CSTPP1: variants seen among roughly 807,000 people sequenced by gnomAD.
CSTPP1 encodes the protein UPF0705 protein C11orf49.
the CSTPP1 span, among the ~76,000 whole-genome samples, chr11:47,105,316 G>C: frequency 6.6e-6 from 1 of 152,050 alleles, no homozygotes; most frequent in Admixed American, 6.6e-5. Flanking sequence ...GCAATATAGG[G>C]AGACCTCTCT....
chr11:47,074,818 A>T, the CSTPP1 span, among the ~76,000 whole-genome samples: 1 of 152,218 alleles, frequency 6.6e-6, no homozygotes, highest in Non-Finnish European at 1.5e-5. Flanking sequence ...TCAATGTTCA[A>T]AGCTCTATGC....
At chr11:47,054,872 A>G in the CSTPP1 span, among the ~76,000 whole-genome samples, 1 of 151,296 alleles carries the variant, frequency 6.6e-6, no homozygotes, top group South Asian at 2.1e-4. Flanking sequence ...GGCTTGGGCC[A>G]CTGGGTAAGA....
At chr11:47,075,065 G>T in the CSTPP1 span, among the ~76,000 whole-genome samples, 3 of 152,196 alleles carry the variant, frequency 2.0e-5, no homozygotes, top group Non-Finnish European at 4.4e-5. Flanking sequence ...TGCTGTCTCT[G>T]TAGAGCACAC....
the CSTPP1 span, among the ~76,000 whole-genome samples, chr11:47,074,946 A>G: frequency 6.6e-6 from 1 of 152,310 alleles, no homozygotes; most frequent in East Asian, 1.9e-4. Flanking sequence ...AAGAATAAGG[A>G]GAATATAGTT....
chr11:47,016,397 C>CAAAAAAAAAAA, the CSTPP1 span, among the ~76,000 whole-genome samples: 11 of 74,608 alleles, frequency 1.5e-4, no homozygotes, highest in Middle Eastern at 6.8e-3. Context: ...CTACAAAAAA[C>CAAAAAAAAAAA]AAAAAACAAA....
chr11:47,125,559 A>G, the CSTPP1 span, among the ~76,000 whole-genome samples: 1 of 152,200 alleles, frequency 6.6e-6, no homozygotes, highest in Non-Finnish European at 1.5e-5. Flanking sequence ...TCCACTTCTT[A>G]TTTATTCTGT....
At chr11:46,998,504 T>G in the CSTPP1 span, among the ~76,000 whole-genome samples, 2 of 152,284 alleles carry the variant, frequency 1.3e-5, no homozygotes, top group African/African-American at 4.8e-5. Flanking sequence ...TGACACCAGA[T>G]TGGCTTGAGG....
At chr11:46,998,122 G>A in the CSTPP1 span, among the ~76,000 whole-genome samples, 6 of 152,164 alleles carry the variant, frequency 3.9e-5, no homozygotes, top group African/African-American at 1.2e-4. Flanking sequence ...CGTCTTCTGC[G>A]TCGCTCACGC....
the CSTPP1 span, among the ~76,000 whole-genome samples, chr11:47,163,040 T>TCCC: frequency 6.6e-6 from 1 of 151,882 alleles, no homozygotes; most frequent in Non-Finnish European, 1.5e-5. Flanking sequence ...CCAGGCATGG[T>TCCC]AGCTTGCACC....
chr11:46,993,264 G>C, the CSTPP1 span, among the ~76,000 whole-genome samples: 1 of 151,986 alleles, frequency 6.6e-6, no homozygotes. Context: ...TCTCAGTTTT[G>C]GCTTTTGTTG....
At chr11:47,034,561 G>C in the CSTPP1 span, among the ~76,000 whole-genome samples, 1 of 151,170 alleles carries the variant, frequency 6.6e-6, no homozygotes, top group Non-Finnish European at 1.5e-5. Context: ...GAGTCCAGTG[G>C]CATGATTATA....
the CSTPP1 span, among the ~76,000 whole-genome samples, chr11:47,026,919 A>G: frequency 2.0e-5 from 3 of 152,112 alleles, no homozygotes; most frequent in Non-Finnish European, 1.5e-5. Flanking sequence ...TAAAATTATC[A>G]TGTACACACA....
the CSTPP1 span, among the ~76,000 whole-genome samples, chr11:47,116,294 T>A: frequency 6.6e-6 from 1 of 152,224 alleles, no homozygotes; most frequent in Non-Finnish European, 1.5e-5. Context: ...TATATTCTGT[T>A]GATTTGGGGT....
chr11:46,943,533 G>C, the CSTPP1 span, among the ~76,000 whole-genome samples: 1 of 152,212 alleles, frequency 6.6e-6, no homozygotes, highest in Non-Finnish European at 1.5e-5. Flanking sequence ...CGAGGAATGA[G>C]GATGGATCAG....
the CSTPP1 span, among the ~76,000 whole-genome samples, chr11:46,939,672 ATAGG>A: frequency 0.3 from 41,694 of 138,816 alleles, 6,391 homozygotes; most frequent in Admixed American, 0.37. Flanking sequence ...AGATAGATAG[ATAGG>A]TAGATGTTTT....
chr11:47,124,272 T>C, the CSTPP1 span, among the ~76,000 whole-genome samples: 1 of 151,524 alleles, frequency 6.6e-6, no homozygotes, highest in African/African-American at 2.4e-5. Context: ...TACAGGCACG[T>C]GCCACCACGC....
the CSTPP1 span, among the ~76,000 whole-genome samples, chr11:46,971,858 G>C: frequency 1.3e-5 from 2 of 152,148 alleles, no homozygotes; most frequent in South Asian, 4.1e-4. Flanking sequence ...TGAGATAGGA[G>C]AATAGTGAGA....
At chr11:46,984,453 T>G in the CSTPP1 span, among the ~76,000 whole-genome samples, 4 of 152,208 alleles carry the variant, frequency 2.6e-5, no homozygotes. Flanking sequence ...TCAAAAATGG[T>G]AGCTGTTATT....
the CSTPP1 span, among the ~76,000 whole-genome samples, chr11:47,065,764 G>A: frequency 6.6e-6 from 1 of 150,920 alleles, no homozygotes; most frequent in Non-Finnish European, 1.5e-5. Flanking sequence ...ATTTTTTTGA[G>A]ACAAAGTCTC....
Sources: allele counts gnomAD v4.1 joint callset (sites outside exome capture counted in the v4.1 genomes callset), GRCh38; gene constraint gnomAD v4.1.1; transcripts MANE v1.5; gene names NCBI Gene and HGNC (gene_info 2026-07-23, HGNC 2026-07-21).